CRPPA: variants seen among roughly 807,000 people sequenced by gnomAD.
CRPPA encodes the protein D-ribitol-5-phosphate cytidylyltransferase.
Under a neutral mutation model 52.0 loss-of-function variants are expected in CRPPA, and 43 were observed. The observed-to-expected ratio is 0.83, with a 90% confidence interval of 0.65 to 1.07. CRPPA has a LOEUF of 1.07. CRPPA is among the 50% of genes least tolerant of loss of function. The probability of loss-of-function intolerance (pLI) is 0.00; values close to 1 mark genes in which losing one functional copy is unlikely to be tolerated. For missense variants in CRPPA, 629 were observed against 551.7 expected (o/e 1.14, Z -1.40); for synonymous variants, 250 against 203.5 (o/e 1.23, Z -1.94).
At chr7:16,115,292 C>A (rs568082463) in intron 9 of CRPPA, among the ~76,000 whole-genome samples, 1 of 152,140 alleles carries the variant, frequency 6.6e-6, no homozygotes, top group Admixed American at 6.5e-5. Flanking sequence ...TGAAAGTATA[C>A]TATGTGTATG....
intron 6 of CRPPA, among the ~76,000 whole-genome samples, chr7:16,275,149 GA>G (rs997298928): frequency 4.6e-5 from 7 of 151,964 alleles, no homozygotes; most frequent in African/African-American, 1.7e-4. Context: ...AGAAACTGTA[GA>G]AAAAAATGGG....
chr7:16,202,491 C>A (rs1053962032), intron 9 of CRPPA, among the ~76,000 whole-genome samples: 1 of 152,168 alleles, frequency 6.6e-6, no homozygotes, highest in Admixed American at 6.5e-5. Context: ...AGACCAGGCA[C>A]CATTCCAGTT....
At chr7:16,415,708 G>A (rs184735353) in intron 1 of CRPPA, among the ~76,000 whole-genome samples, 4 of 152,194 alleles carry the variant, frequency 2.6e-5, no homozygotes, top group African/African-American at 7.2e-5. Flanking sequence ...GTTACCACGC[G>A]CCTAGCTCTT....
chr7:16,206,810 C>A (rs1212534842), intron 9 of CRPPA, among the ~76,000 whole-genome samples: 1 of 152,014 alleles, frequency 6.6e-6, no homozygotes, highest in African/African-American at 2.4e-5. Flanking sequence ...AATCCAGAGT[C>A]TAAAAGGAAT....
chr7:16,094,762 T>C (rs530449276), intron 9 of CRPPA, among the ~76,000 whole-genome samples: 3 of 152,276 alleles, frequency 2.0e-5, no homozygotes, highest in East Asian at 3.9e-4. Flanking sequence ...CAAAAACCTG[T>C]ACCTCCAGGC....
intron 9 of CRPPA, among the ~76,000 whole-genome samples, chr7:16,093,545 C>A (rs150018638): frequency 0.014 from 2,188 of 152,254 alleles, 34 homozygotes; most frequent in Middle Eastern, 0.031. Context: ...TGGAGAAGAT[C>A]TGCAAGATGC....
Position 16,421,337 on chromosome 7 carries a change from C to G in CRPPA, c.-15G>C. ...CCGGCCTCCATGGCTGCGGGCGGAA[C>G]GGCGAGCCCCGCTAGCCTCGGGCCG... is the stretch of plus-strand genomic sequence containing the variant. On this transcript the variant is annotated 5_prime_UTR_variant, in exon 1 of 10. Transcript: ENST00000407010. The G allele has an allele frequency of 8.1e-7, 1 of 1,240,156 alleles. No individual in the cohort carries two copies. The highest frequency in any genetic ancestry group is 1.0e-6 in the Non-Finnish European group (1 of 990,080). 76.8% of individuals were successfully genotyped at this position (1,240,156 alleles called of 1,614,324 possible).
chr7:16,198,652 A>C (rs2128392794), intron 9 of CRPPA, among the ~76,000 whole-genome samples: 1 of 148,530 alleles, frequency 6.7e-6, no homozygotes, highest in African/African-American at 2.5e-5. Flanking sequence ...ACCTTACGAG[A>C]AACACCCACA....
chr7:16,268,693 C>A (rs1450223302), intron 6 of CRPPA, among the ~76,000 whole-genome samples: 3 of 152,136 alleles, frequency 2.0e-5, no homozygotes, highest in African/African-American at 7.2e-5. Flanking sequence ...CAGTACATTT[C>A]TAGACAATAT....
At chr7:16,106,747 C>T (rs149670030) in intron 9 of CRPPA, among the ~76,000 whole-genome samples, 2 of 152,238 alleles carry the variant, frequency 1.3e-5, no homozygotes, top group East Asian at 3.9e-4. Context: ...ATAAGGGAAT[C>T]GTGACACCTC....
intron 9 of CRPPA, among the ~76,000 whole-genome samples, chr7:16,205,797 A>G (rs971592079): frequency 3.9e-5 from 6 of 151,922 alleles, no homozygotes; most frequent in Non-Finnish European, 8.8e-5. Context: ...TATAAAAGAA[A>G]AAAAAAAAGA....
intron 9 of CRPPA, among the ~76,000 whole-genome samples, chr7:16,137,417 G>A (rs765825828): frequency 2.6e-5 from 4 of 152,182 alleles, no homozygotes; most frequent in African/African-American, 4.8e-5. Flanking sequence ...GAAAGAAGTA[G>A]AATAAATGGA....
chr7:16,230,770 C>T (rs1280693101), intron 8 of CRPPA, among the ~76,000 whole-genome samples: 1 of 152,176 alleles, frequency 6.6e-6, no homozygotes, highest in East Asian at 1.9e-4. Flanking sequence ...CAAGTCTTCA[C>T]AGATAGGGAT....
chr7:16,159,043 T>C (rs760539156), intron 9 of CRPPA, among the ~76,000 whole-genome samples: 5 of 152,224 alleles, frequency 3.3e-5, no homozygotes, highest in Non-Finnish European at 7.3e-5. Context: ...CCTAAGAGGA[T>C]ATCCGTGGCC....
At chr7:16,287,923 AAGGGAGGG>A (rs373766084) in intron 5 of CRPPA, among the ~76,000 whole-genome samples, 35 of 123,614 alleles carry the variant, frequency 2.8e-4, no homozygotes, top group African/African-American at 7.5e-4. Context: ...GGAAGGAAGG[AAGGGAGGG>A]AGGGAGGGAG....
intron 2 of CRPPA, among the ~76,000 whole-genome samples, chr7:16,387,072 T>TATATATACACAC (rs1554352532): frequency 2.8e-5 from 2 of 72,004 alleles, no homozygotes; most frequent in African/African-American, 6.3e-5. Flanking sequence ...TATATATATA[T>TATATATACACAC]ATATATATAT....
chr7:16,226,991 G>C (rs537504644), intron 8 of CRPPA, among the ~76,000 whole-genome samples: 2 of 151,978 alleles, frequency 1.3e-5, no homozygotes, highest in Non-Finnish European at 2.9e-5. Flanking sequence ...ACATCATTCA[G>C]TATTTGTCTT....
intron 3 of CRPPA, among the ~76,000 whole-genome samples, chr7:16,317,621 G>A (rs1435121983): frequency 6.6e-6 from 1 of 152,142 alleles, no homozygotes; most frequent in Non-Finnish European, 1.5e-5. Flanking sequence ...ATTCCAGTGG[G>A]TGCACATGTG....
chr7:16,212,734 A>T (rs536825809), intron 9 of CRPPA, among the ~76,000 whole-genome samples: 2 of 152,258 alleles, frequency 1.3e-5, no homozygotes, highest in African/African-American at 4.8e-5. Context: ...CATAGGCTTT[A>T]ATGTGGAAGT....
Sources: allele counts gnomAD v4.1 joint callset (sites outside exome capture counted in the v4.1 genomes callset), GRCh38; gene constraint gnomAD v4.1.1; transcripts MANE v1.5; gene names NCBI Gene and HGNC (gene_info 2026-07-23, HGNC 2026-07-21).